Variants in ROBO2 observed in about 807,000 individuals in gnomAD.
ROBO2 encodes roundabout homolog 2.
Under a neutral mutation model 160.8 loss-of-function variants are expected in ROBO2, and 53 were observed. The observed-to-expected ratio is 0.33, with a 90% confidence interval of 0.26 to 0.41. The LOEUF is 0.41. ROBO2 is among the 10% of genes least tolerant of loss of function. ROBO2 has a pLI of 1.00. For missense variants in ROBO2, 1,577 were observed against 1,722.4 expected (o/e 0.92, Z 1.49); for synonymous variants, 664 against 611.7 (o/e 1.09, Z -1.26).
chr3:75,969,572 C>T (rs1303610096), intron 2 of ROBO2, among the ~76,000 whole-genome samples: 2 of 151,536 alleles, frequency 1.3e-5, no homozygotes, highest in Admixed American at 6.6e-5. Flanking sequence ...CCTCATCACA[C>T]TTATCTCTTT....
chr3:75,992,470 G>A (rs911016703), intron 2 of ROBO2, among the ~76,000 whole-genome samples: 10 of 152,160 alleles, frequency 6.6e-5, no homozygotes, highest in African/African-American at 2.4e-4. Flanking sequence ...TGAGGTGGGG[G>A]AACCTCCTTC....
chr3:76,183,606 C>A (rs17788021), intron 2 of ROBO2, among the ~76,000 whole-genome samples: 1 of 152,034 alleles, frequency 6.6e-6, no homozygotes, highest in African/African-American at 2.4e-5. Context: ...ATATTACATG[C>A]AGGCACTCTT....
chr3:77,583,892 C>T (rs1210246540), intron 16 of ROBO2, among the ~76,000 whole-genome samples: 1 of 152,052 alleles, frequency 6.6e-6, no homozygotes, highest in Non-Finnish European at 1.5e-5. Flanking sequence ...TTATGTTTGC[C>T]CTTATTCTCA....
At chr3:77,156,590 G>A (rs200285371) in intron 2 of ROBO2, among the ~76,000 whole-genome samples, 3 of 151,870 alleles carry the variant, frequency 2.0e-5, no homozygotes, top group East Asian at 1.9e-4. Flanking sequence ...AAGGATTTCA[G>A]TTGTGTATGT....
chr3:77,151,097 C>T (rs2077515027), intron 2 of ROBO2, among the ~76,000 whole-genome samples: 1 of 151,948 alleles, frequency 6.6e-6, no homozygotes, highest in Admixed American at 6.6e-5. Context: ...CAAATGTAGA[C>T]CTAGATCTTG....
At chr3:76,433,505 A>T in intron 2 of ROBO2, among the ~76,000 whole-genome samples, 1 of 152,354 alleles carries the variant, frequency 6.6e-6, no homozygotes, top group East Asian at 1.9e-4. Flanking sequence ...AATTTTAAAT[A>T]GTATACATTC....
intron 2 of ROBO2, among the ~76,000 whole-genome samples, chr3:76,221,755 A>C (rs1399755193): frequency 6.6e-6 from 1 of 152,088 alleles, no homozygotes; most frequent in Non-Finnish European, 1.5e-5. Flanking sequence ...CCATTGCCAC[A>C]CTTTTTTGTC....
chr3:77,289,111 A>T (rs1171487477), intron 2 of ROBO2, among the ~76,000 whole-genome samples: 1 of 152,204 alleles, frequency 6.6e-6, no homozygotes, highest in Non-Finnish European at 1.5e-5. Context: ...TGGATTGTAC[A>T]GTCTAGTGGG....
chr3:76,130,699 A>G (rs950016010), intron 2 of ROBO2, among the ~76,000 whole-genome samples: 5 of 152,124 alleles, frequency 3.3e-5, no homozygotes, highest in Non-Finnish European at 7.4e-5. Context: ...AAAATCAACT[A>G]TCATTCAATA....
At chr3:77,593,082 C>CA (rs1450745832) in intron 17 of ROBO2, among the ~76,000 whole-genome samples, 1 of 152,086 alleles carries the variant, frequency 6.6e-6, no homozygotes, top group Non-Finnish European at 1.5e-5. Flanking sequence ...CTTAGCTTCT[C>CA]ACATATCTCT....
intron 2 of ROBO2, among the ~76,000 whole-genome samples, chr3:77,110,818 C>T (rs949978419): frequency 3.3e-5 from 5 of 151,826 alleles, no homozygotes; most frequent in Non-Finnish European, 5.9e-5. Flanking sequence ...CTCAGTCTTC[C>T]CAGTAGCTTG....
intron 2 of ROBO2, among the ~76,000 whole-genome samples, chr3:76,563,893 C>G (rs915036556): frequency 6.6e-6 from 1 of 152,178 alleles, no homozygotes; most frequent in African/African-American, 2.4e-5. Flanking sequence ...AGGTCATAAA[C>G]AAGCAGTTCT....
chr3:76,872,530 C>G (rs1299518762), intron 2 of ROBO2, among the ~76,000 whole-genome samples: 1 of 151,690 alleles, frequency 6.6e-6, no homozygotes, highest in Non-Finnish European at 1.5e-5. Context: ...TATTTAAATT[C>G]TTATATTTTC....
intron 2 of ROBO2, among the ~76,000 whole-genome samples, chr3:76,153,162 A>G (rs1234175232): frequency 6.6e-6 from 1 of 152,182 alleles, no homozygotes; most frequent in Non-Finnish European, 1.5e-5. Context: ...AGGGAAAGAG[A>G]TAATGTCTAT....
chr3:77,602,518 A>C, intron 20 of ROBO2, 27 bp downstream of exon 21: 1 of 1,611,948 alleles, frequency 6.2e-7, no homozygotes, highest in Non-Finnish European at 8.5e-7. Flanking sequence ...TGTCCTGAGG[A>C]GGTATTTTCA....
chr3:76,715,095 G>T (rs9868032), intron 2 of ROBO2, among the ~76,000 whole-genome samples: 2,038 of 152,118 alleles, frequency 0.013, 40 homozygotes, highest in African/African-American at 0.039. Context: ...GGATAAAATA[G>T]GTTTTCCAAA....
chr3:76,124,132 A>G (rs552114080), intron 2 of ROBO2, among the ~76,000 whole-genome samples: 22 of 152,246 alleles, frequency 1.4e-4, no homozygotes, highest in Middle Eastern at 3.4e-3. Context: ...GCTTAAATAT[A>G]AAAGTTACTA....
intron 2 of ROBO2, among the ~76,000 whole-genome samples, chr3:75,994,484 G>A (rs879752946): frequency 2.2e-4 from 33 of 152,172 alleles, no homozygotes; most frequent in African/African-American, 7.7e-4. Flanking sequence ...AAGTTCTGAC[G>A]GTTTTATAAG....
At chr3:76,631,608 C>T (rs1003430747) in intron 2 of ROBO2, among the ~76,000 whole-genome samples, 1 of 150,252 alleles carries the variant, frequency 6.7e-6, no homozygotes, top group African/African-American at 2.5e-5. Context: ...CCTATGAAAT[C>T]AGGACTGGTT....
Sources: allele counts gnomAD v4.1 joint callset (sites outside exome capture counted in the v4.1 genomes callset), GRCh38; gene constraint gnomAD v4.1.1; transcripts MANE v1.5; gene names NCBI Gene and HGNC (gene_info 2026-07-23, HGNC 2026-07-21).